Variants in LRMDA observed in about 807,000 individuals in gnomAD.
LRMDA encodes the protein leucine-rich melanocyte differentiation-associated protein.
LRMDA carries 18 observed loss-of-function variants against 29.8 expected under a neutral mutation model. The ratio of observed to expected loss-of-function variants is 0.60; its 90% CI spans 0.42 to 0.90. The LOEUF (loss-of-function observed/expected upper bound fraction) is 0.90, where lower values mean the gene tolerates loss of function less well. LRMDA is among the 40% of genes least tolerant of loss of function. LRMDA has a pLI of 0.00. For synonymous variants in LRMDA, 125 were observed against 109.4 expected, an observed-to-expected ratio of 1.14 and a Z score of -0.89; for missense variants, 273 against 273.9, an observed-to-expected ratio of 1.00 and a Z score of 0.02.
chr10:76,371,430 A>T, intron 6 of LRMDA, among the ~76,000 whole-genome samples: 1 of 151,862 alleles, frequency 6.6e-6, no homozygotes, highest in East Asian at 1.9e-4. Flanking sequence ...TTTTTCTCAC[A>T]ACTGCTTCTG....
chr10:75,662,753 G>A (rs1841769991), intron 2 of LRMDA, among the ~76,000 whole-genome samples: 1 of 152,152 alleles, frequency 6.6e-6, no homozygotes, highest in Admixed American at 6.5e-5. Context: ...TCTTGTCTTT[G>A]GTGAGGACGT....
chr10:76,163,637 G>T (rs1429887192), intron 5 of LRMDA, among the ~76,000 whole-genome samples: 1 of 152,080 alleles, frequency 6.6e-6, no homozygotes, highest in Non-Finnish European at 1.5e-5. Context: ...AATTACGGTG[G>T]TATAAAATTA....
chr10:76,446,730 A>G (rs986390368), intron 6 of LRMDA, among the ~76,000 whole-genome samples: 27 of 152,322 alleles, frequency 1.8e-4, no homozygotes, highest in South Asian at 1.5e-3. Flanking sequence ...TCATCTCAAG[A>G]AAAAGCAGGT....
In LRMDA at chr10:76,427,211, C is replaced by G. The variant is rs184363506; in HGVS notation, c.601+102726C>G. On this transcript the variant is annotated intron_variant, in intron 6 of 6. Coordinates refer to ENST00000611255, the MANE Select transcript of LRMDA (RefSeq NM_001305581.2). Reference sequence around the variant, plus strand: ...ACCTTGGGCAGTATGGCCATTTTCACAATTTTATTCTTCCTATCCATGAGC... The same window carrying G: ...ACCTTGGGCAGTATGGCCATTTTCAGAATTTTATTCTTCCTATCCATGAGC... Among the ~76,000 whole-genome samples the G allele has an allele frequency of 7.5e-5, 11 of 147,640 alleles. No individual in the cohort carries two copies. The East Asian group carries it at 2.1e-3, about 28-fold the overall frequency.
intron 6 of LRMDA, among the ~76,000 whole-genome samples, chr10:76,386,055 G>C (rs1325974945): frequency 6.6e-6 from 1 of 152,100 alleles, no homozygotes; most frequent in African/African-American, 2.4e-5. Flanking sequence ...AACTCTAAAA[G>C]GGAGAAATTC....
At chr10:75,574,036 G>A (rs1193565876) in intron 2 of LRMDA, among the ~76,000 whole-genome samples, 1 of 151,862 alleles carries the variant, frequency 6.6e-6, no homozygotes, top group Non-Finnish European at 1.5e-5. Flanking sequence ...TCCTGGACTA[G>A]TAGAGTTTCT....
At chr10:76,186,922 T>G (rs1320190905) in intron 5 of LRMDA, among the ~76,000 whole-genome samples, 3 of 152,234 alleles carry the variant, frequency 2.0e-5, no homozygotes, top group Admixed American at 1.3e-4. Context: ...GCAATAATTC[T>G]TATACTGGTA....
At chr10:76,451,916 C>T (rs1247839773) in intron 6 of LRMDA, among the ~76,000 whole-genome samples, 1 of 152,160 alleles carries the variant, frequency 6.6e-6, no homozygotes, top group Non-Finnish European at 1.5e-5. Flanking sequence ...CTCGGCCTCC[C>T]AAAATGCTGG....
intron 5 of LRMDA, among the ~76,000 whole-genome samples, chr10:76,295,448 T>G (rs1280128145): frequency 6.6e-6 from 1 of 152,222 alleles, no homozygotes; most frequent in African/African-American, 2.4e-5. Context: ...TTGTTTGTAT[T>G]CAGGTTATTA....
At chr10:75,842,852 G>A (rs1589225563) in intron 2 of LRMDA, among the ~76,000 whole-genome samples, 1 of 149,262 alleles carries the variant, frequency 6.7e-6, no homozygotes, top group East Asian at 2.0e-4. Context: ...TGAGACCCCT[G>A]TTTCTTAAAA....
intron 2 of LRMDA, among the ~76,000 whole-genome samples, chr10:75,854,986 C>G (rs58906906): frequency 0.17 from 25,412 of 152,042 alleles, 2,647 homozygotes; most frequent in South Asian, 0.26. Context: ...ATTTGGGTTG[C>G]TTCCAAGTCT....
chr10:76,327,805 CT>C (rs773650397), intron 6 of LRMDA, among the ~76,000 whole-genome samples: 8 of 152,170 alleles, frequency 5.3e-5, no homozygotes, highest in Non-Finnish European at 7.3e-5. Context: ...AATTCTGTTG[CT>C]TTCATAAACC....
intron 2 of LRMDA, among the ~76,000 whole-genome samples, chr10:76,029,028 G>T (rs1450235345): frequency 2.0e-5 from 3 of 152,080 alleles, no homozygotes; most frequent in Non-Finnish European, 4.4e-5. Flanking sequence ...TGTTGGCCAG[G>T]ATGGTCTTGA....
rs1404762674 is a variant in LRMDA at position 75,691,126 on chromosome 10, ATAGATATATAGATC to A, written c.131+252635_131+252648del. On this transcript the variant is annotated intron_variant, in intron 2 of 6. Transcript: ENST00000611255. Reference sequence around the variant, plus strand: ...TATATAGATCTATATATCTATATACATAGATATATAGATCTATATATCTATATACATAGATATAT... The same window carrying A: ...TATATAGATCTATATATCTATATACATATATATCTATATACATAGATATAT... 2.0e-5 allele frequency among the ~76,000 whole-genome samples: 2 copies of A among 98,562 alleles called. 1 individual carries two copies. Among genetic ancestry groups the A allele is most frequent in the African/African-American group, 1.3e-4 (2 of 15,358 alleles). The allele number at this position is 98,562 out of a possible 152,430, so 64.7% of individuals were successfully genotyped here.
At chr10:75,746,609 C>T (rs1394532745) in intron 2 of LRMDA, among the ~76,000 whole-genome samples, 2 of 152,080 alleles carry the variant, frequency 1.3e-5, no homozygotes, top group African/African-American at 2.4e-5. Context: ...TAATGAATTC[C>T]TAATGGCCCC....
chr10:75,992,777 GT>G (rs1833498435), intron 2 of LRMDA, among the ~76,000 whole-genome samples: 1 of 152,124 alleles, frequency 6.6e-6, no homozygotes, highest in Non-Finnish European at 1.5e-5. Context: ...CCTGTTTACT[GT>G]GTGGTGAAGG....
intron 2 of LRMDA, among the ~76,000 whole-genome samples, chr10:75,972,345 C>A (rs538724375): frequency 6.6e-6 from 1 of 151,948 alleles, no homozygotes; most frequent in Non-Finnish European, 1.5e-5. Flanking sequence ...GGAAGACTAT[C>A]TAGCTGACAT....
At chr10:75,578,915 A>C (rs2132075398) in intron 2 of LRMDA, among the ~76,000 whole-genome samples, 1 of 152,300 alleles carries the variant, frequency 6.6e-6, no homozygotes, top group Non-Finnish European at 1.5e-5. Flanking sequence ...CATTTAAAGT[A>C]GTGTGTAGAG....
chr10:76,278,933 A>C (rs568529347), intron 5 of LRMDA, among the ~76,000 whole-genome samples: 40 of 152,214 alleles, frequency 2.6e-4, no homozygotes, highest in Non-Finnish European at 5.6e-4. Flanking sequence ...ATAAACAAGC[A>C]TGATGGAGTT....
Sources: gnomAD v4.1 joint callset for allele counts (sites outside exome capture counted in the v4.1 genomes callset) on GRCh38, gnomAD v4.1.1 for gene constraint, MANE v1.5 for transcripts, NCBI Gene and HGNC (gene_info 2026-07-23, HGNC 2026-07-21) for gene names.